The following ASNSD1 variants were observed in gnomAD, a reference collection of about 807,000 sequenced individuals.
ASNSD1 encodes the protein asparagine synthetase domain containing 1.
ASNSD1 carries 36 observed loss-of-function variants against 48.3 expected under a neutral mutation model. The ratio of observed to expected loss-of-function variants is 0.75; its 90% CI spans 0.57 to 0.99. The LOEUF is 0.99. Among genes scored for constraint, ASNSD1 ranks in the 50% least tolerant of loss-of-function variants. The pLI, the probability that ASNSD1 is intolerant of heterozygous loss-of-function variation, is 0.00. For missense variants in ASNSD1, 714 were observed against 758.2 expected (o/e 0.94, Z 0.69); for synonymous variants, 257 against 262.1 (o/e 0.98, Z 0.19).
In ASNSD1 at chr2:189,667,382, A is replaced by G; in HGVS notation, c.1250A>G (p.Gln417Arg). ...ITGRAGLKEL[Q>R]AVSPSRIWNF... ...GGAAGGGCGGGACTAAAGGAACTAC[A>G]AGCTGTTAGCCCTTCCCGAATTTGG... Residue 417 changes from glutamine to arginine, a missense_variant, in exon 4 of 6, where the codon CAA becomes CGA. Transcript: ENST00000260952. 1.2e-6 allele frequency: 2 copies of G among 1,614,222 alleles called. No individual in the cohort carries two copies. The highest frequency in any genetic ancestry group is 1.7e-6 in the Non-Finnish European group (2 of 1,180,036).
intron 1 of ASNSD1, among the ~76,000 whole-genome samples, chr2:189,662,819 C>G (rs1340715011): frequency 6.6e-6 from 1 of 152,028 alleles, no homozygotes; most frequent in Non-Finnish European, 1.5e-5. Flanking sequence ...CATGGTGGCC[C>G]AGGCCTGTAG....
intron 1 of ASNSD1, among the ~76,000 whole-genome samples, chr2:189,663,552 CTGGT>C (rs1371113775): frequency 6.6e-6 from 1 of 152,192 alleles, no homozygotes; most frequent in Non-Finnish European, 1.5e-5. Flanking sequence ...CGCACCCGGC[CTGGT>C]GTATATCATA....
At chr2:189,665,807 A>C (rs932023729) in intron 3 of ASNSD1, among the ~76,000 whole-genome samples, 12 of 151,982 alleles carry the variant, frequency 7.9e-5, no homozygotes, top group African/African-American at 2.4e-4. Flanking sequence ...CTATGTTAAA[A>C]GTGCTTAGCC....
intron 5 of ASNSD1, 96 bp from the exon 6 acceptor site, chr2:189,670,345 A>G (rs2032899304): frequency 9.8e-7 from 1 of 1,024,612 alleles, no homozygotes; most frequent in African/African-American, 1.6e-5. Flanking sequence ...TCATGTTGTG[A>G]AACAATTTGG....
At position 189,666,284 on chromosome 2, in the gene ASNSD1, C is replaced by T. The variant is rs776853334; in HGVS notation, c.152C>T (p.Ala51Val). ...GTTAACTACCAGTGTTTATTTTCTG[C>T]TCACGTCCTACACTTGAGGGGTGTT... ...SDVNYQCLFS[A>V]HVLHLRGVLT... Residue 51 changes from alanine (A) to valine (V), a missense_variant, in exon 4 of 6, where the codon GCT (alanine) becomes GTT (valine). Ala to Val is a moderately conservative substitution (Grantham distance 64, BLOSUM62 0). Transcript: ENST00000260952. The T allele has an allele frequency of 1.9e-6, 3 of 1,614,092 alleles. No homozygotes were observed. The highest frequency in any genetic ancestry group is 1.6e-4 in the Middle Eastern group (1 of 6,062).
chr2:189,667,229 C>T lies in ASNSD1; in HGVS notation c.1097C>T (p.Thr366Ile), dbSNP rs1185637235. 6.2e-7 allele frequency: 1 copy of T among 1,614,074 alleles called. No individual in the cohort carries two copies. The highest frequency in any genetic ancestry group is 2.2e-5 in the East Asian group (1 of 44,890). ...FIAEEKTMPTTFNREGNKQKN... is the reference protein window; with the variant it reads ...FIAEEKTMPTIFNREGNKQKN... The stretch of plus-strand genomic sequence containing the variant: ...GCTGAAGAAAAGACCATGCCAACTA[C>T]CTTTAACAGAGAAGGGAATAAACAG... The change falls in exon 4 of 6, where the codon ACC (threonine) becomes ATC (isoleucine). Residue 366 changes from threonine to isoleucine, a missense_variant. By Grantham distance (89) the Thr-to-Ile change is moderately conservative. Transcript: ENST00000260952.
At chr2:189,664,961 C>T (rs1174691990) in intron 2 of ASNSD1, among the ~76,000 whole-genome samples, 1 of 152,138 alleles carries the variant, frequency 6.6e-6, no homozygotes, top group Non-Finnish European at 1.5e-5. Context: ...GAGATGGTAA[C>T]ACCTTAAATG....
At chr2:189,668,035 G>GA in intron 5 of ASNSD1, 90 bp downstream of exon 5, 1 of 1,256,650 alleles carries the variant, frequency 8.0e-7, no homozygotes, top group Non-Finnish European at 1.1e-6. Flanking sequence ...TCTCTTTGGA[G>GA]ACTGTTCACA....
rs112098534 is a variant in ASNSD1, at chr2:189,661,466, A to G, written c.-367A>G. 2 of 399,164 alleles carry G rather than the reference A, an allele frequency of 5.0e-6. No homozygotes were observed. 24.7% of individuals were successfully genotyped at this position (399,164 alleles called of 1,614,324 possible). On this transcript the variant is annotated 5_prime_UTR_variant, in exon 1 of 6. It removes an upstream start codon present in the reference 5' UTR. Coordinates refer to ENST00000260952, the MANE Select transcript of ASNSD1 (RefSeq NM_019048.4). ...TGGAAGCGCGCATGCGCTGTGGCTA[A>G]TGCCGTAGGCTCCTTCAGGGCTGAG...
chr2:189,666,475 G>A lies in ASNSD1; in HGVS notation c.343G>A (p.Val115Ile). Reference sequence around the variant, plus strand: ...TGAGATTTTGTCACTCTTCTCAGAAGTACAAGGTCCCTGGTCATTTATATA... The same window carrying A: ...TGAGATTTTGTCACTCTTCTCAGAAATACAAGGTCCCTGGTCATTTATATA... ...ESEILSLFSEVQGPWSFIYYQ... is the reference protein window; with the variant it reads ...ESEILSLFSEIQGPWSFIYYQ... The change falls in exon 4 of 6, where the codon GTA (valine) becomes ATA (isoleucine). Residue 115 changes from valine to isoleucine, a missense_variant. By Grantham distance (29) the Val-to-Ile change is conservative (BLOSUM62 3). Coordinates refer to ENST00000260952, the MANE Select transcript of ASNSD1 (RefSeq NM_019048.4). The A allele has an allele frequency of 1.2e-6, 2 of 1,613,788 alleles. No homozygotes were observed. The highest frequency in any genetic ancestry group is 1.7e-6 in the Non-Finnish European group (2 of 1,179,926).
In ASNSD1 at chr2:189,666,992, T is replaced by C. The variant is rs867826477; in HGVS notation, c.860T>C (p.Ile287Thr). Residue 287 changes from isoleucine to threonine, a missense_variant, in exon 4 of 6, where the codon ATT (isoleucine) becomes ACT (threonine). Transcript: ENST00000260952. ...VHMKEVIQQF[I>T]DVLSVAVKKR... is the part of the protein sequence containing the mutation. ...ATGAAGGAAGTAATTCAGCAGTTCA[T>C]TGATGTCCTGAGTGTAGCAGTCAAG... 1.9e-6 allele frequency: 3 copies of C among 1,614,184 alleles called. No homozygotes were observed. Among genetic ancestry groups the C allele is most frequent in the Non-Finnish European group, 1.7e-6 (2 of 1,180,036 alleles).
rs758137583 is a variant in ASNSD1, at chr2:189,666,611, G to A, written c.479G>A (p.Gly160Asp). ...AAGAGTTTCTGCCTCTCTTCAGTTGGCACCCAAACATCTGGATTGGCAAAT... is the reference window on the plus strand; with the variant it reads ...AAGAGTTTCTGCCTCTCTTCAGTTGACACCCAAACATCTGGATTGGCAAAT... ...LGKSFCLSSVGTQTSGLANQW... is the reference protein window; with the variant it reads ...LGKSFCLSSVDTQTSGLANQW... The change falls in exon 4 of 6, where the codon GGC becomes GAC. Residue 160 changes from glycine to aspartate, a missense_variant. Coordinates refer to ENST00000260952, the MANE Select transcript of ASNSD1 (RefSeq NM_019048.4). 1.2e-5 allele frequency: 19 copies of A among 1,614,066 alleles called. No homozygotes were observed. The highest frequency in any genetic ancestry group is 3.3e-4 in the Middle Eastern group (2 of 6,062).
intron 1 of ASNSD1, among the ~76,000 whole-genome samples, chr2:189,663,689 AC>A (rs2032724888): frequency 6.6e-6 from 1 of 152,180 alleles, no homozygotes; most frequent in African/African-American, 2.4e-5. Flanking sequence ...AAGTCTAATC[AC>A]TGTTTTTTCT....
intron 4 of ASNSD1, 48 bp from the exon 5 acceptor site, chr2:189,667,716 A>G: frequency 6.4e-7 from 1 of 1,554,198 alleles, no homozygotes; most frequent in Non-Finnish European, 8.7e-7. Flanking sequence ...TATTTTCTTT[A>G]CTGTGTAGTT....
chr2:189,665,596 GTGTATATATA>G (rs1188017799), intron 3 of ASNSD1, 145 bp downstream of exon 3: 1,581 of 111,550 alleles, frequency 0.014, 101 homozygotes, highest in African/African-American at 0.03. Context: ...ATATATATAT[GTGTATATATA>G]TATATATATA....
At chr2:189,662,799 C>T (rs1180849932) in intron 1 of ASNSD1, among the ~76,000 whole-genome samples, 3 of 151,918 alleles carry the variant, frequency 2.0e-5, no homozygotes, top group African/African-American at 7.3e-5. Flanking sequence ...ATAAATGAAG[C>T]CCAGGCCAGC....
chr2:189,666,048 G>C lies in ASNSD1; in HGVS notation c.-85G>C, dbSNP rs762882653. ...TCTCCTTCCCTGCAACAGATATATT[G>C]GATGAACTGAAAAAAGAATACCAAG... On this transcript the variant is annotated 5_prime_UTR_variant, in exon 4 of 6. Coordinates refer to ENST00000260952, the MANE Select transcript of ASNSD1 (RefSeq NM_019048.4). 1.7e-5 allele frequency: 23 copies of C among 1,382,098 alleles called. No individual in the cohort carries two copies. Among genetic ancestry groups the C allele is most frequent in the Non-Finnish European group, 2.1e-5 (22 of 1,027,330 alleles). The allele number at this position is 1,382,098 out of a possible 1,614,324, so 85.6% of individuals were successfully genotyped here.
chr2:189,666,090 C>T lies in ASNSD1; in HGVS notation c.-43C>T, dbSNP rs2032794845. 2 of 1,488,474 alleles carry T rather than the reference C, an allele frequency of 1.3e-6. No individual in the cohort carries two copies. Among genetic ancestry groups the T allele is most frequent in the African/African-American group, 1.4e-5 (1 of 71,092 alleles). 92.2% of individuals were successfully genotyped at this position (1,488,474 alleles called of 1,614,324 possible). The stretch of plus-strand genomic sequence containing the variant: ...AATACCAAGAAATAGAAAACTTAGA[C>T]AAGACCAAAATCAAGAAATAGTCAA... On this transcript the variant is annotated 5_prime_UTR_variant, in exon 4 of 6. Coordinates refer to ENST00000260952, the MANE Select transcript of ASNSD1 (RefSeq NM_019048.4).
Position 189,670,827 on chromosome 2 carries a change from G to C in ASNSD1, c.*101G>C. ...TATTGTATAACATAGTAGTTTTAAA[G>C]TTCATTTGGTTGAATTTTCATTTTT... On this transcript the variant is annotated 3_prime_UTR_variant, in exon 6 of 6. Coordinates refer to ENST00000260952, the MANE Select transcript of ASNSD1 (RefSeq NM_019048.4). 1.1e-6 allele frequency: 1 copy of C among 873,036 alleles called. No homozygotes were observed. Among genetic ancestry groups the C allele is most frequent in the Non-Finnish European group, 1.6e-6 (1 of 639,952 alleles). 54.1% of individuals were successfully genotyped at this position (873,036 alleles called of 1,614,324 possible). A position where few individuals can be genotyped will look rare whatever the true frequency, so the allele number is the denominator to read the frequency against.
Sources: allele counts gnomAD v4.1 joint callset (sites outside exome capture counted in the v4.1 genomes callset), GRCh38; gene constraint gnomAD v4.1.1; transcripts MANE v1.5; gene names NCBI Gene and HGNC (gene_info 2026-07-23, HGNC 2026-07-21).